The following RABGAP1L variants were observed in gnomAD, a reference collection of about 807,000 sequenced individuals.
The protein encoded by RABGAP1L is rab GTPase-activating protein 1-like.
A neutral mutation model predicts 137.7 loss-of-function variants in RABGAP1L; 63 were observed. The ratio of observed to expected loss-of-function variants is 0.46; its 90% confidence interval spans 0.37 to 0.56. The LOEUF is 0.56. RABGAP1L is among the 20% of genes least tolerant of loss of function. The pLI, the probability that RABGAP1L is intolerant of heterozygous loss-of-function variation, is 0.00. For synonymous variants in RABGAP1L, 431 were observed against 433.7 expected, an observed-to-expected ratio of 0.99 and a Z score of 0.08; for missense variants, 1,095 against 1,244.0, an observed-to-expected ratio of 0.88 and a Z score of 1.80.
At chr1:174,342,697 G>C (rs949835855) in intron 11 of RABGAP1L, among the ~76,000 whole-genome samples, 1 of 150,676 alleles carries the variant, frequency 6.6e-6, no homozygotes, top group South Asian at 2.1e-4. Flanking sequence ...ATGTAAAATG[G>C]ACCATTCCTC....
chr1:174,729,381 A>C (rs1020019858), intron 17 of RABGAP1L, among the ~76,000 whole-genome samples: 1 of 152,226 alleles, frequency 6.6e-6, no homozygotes, highest in African/African-American at 2.4e-5. Context: ...ATCCTAGAAG[A>C]AAATCTAGGA....
At chr1:174,598,346 AAT>A (rs57848729) in intron 13 of RABGAP1L, among the ~76,000 whole-genome samples, 38,524 of 133,360 alleles carry the variant, frequency 0.29, 6,936 homozygotes, top group African/African-American at 0.58. Flanking sequence ...AAAAAAAAAA[AAT>A]GGTCTGTCTT....
intron 19 of RABGAP1L, among the ~76,000 whole-genome samples, chr1:174,883,523 A>T (rs1166942283): frequency 1.3e-5 from 2 of 152,130 alleles, no homozygotes; most frequent in Non-Finnish European, 2.9e-5. Flanking sequence ...TCCTACAGGA[A>T]ACTTGAAGCC....
chr1:174,504,846 G>C (rs1366755111), intron 13 of RABGAP1L, among the ~76,000 whole-genome samples: 1 of 152,100 alleles, frequency 6.6e-6, no homozygotes, highest in African/African-American at 2.4e-5. Context: ...AAAAGCACAA[G>C]CAACAGAAGC....
chr1:174,475,662 C>T (rs12031702), intron 13 of RABGAP1L, among the ~76,000 whole-genome samples: 1 of 149,334 alleles, frequency 6.7e-6, no homozygotes, highest in South Asian at 2.1e-4. Flanking sequence ...AATCCCAGCT[C>T]TGGGAGGCTG....
rs148901840 is a variant in RABGAP1L at position 174,937,619 on chromosome 1, A to AATATATATATATAT, written c.2341-19835_2341-19822dup. 1.5e-3 allele frequency among the ~76,000 whole-genome samples: 162 copies of AATATATATATATAT among 109,650 alleles called. 6 individuals are homozygous for AATATATATATATAT. The highest frequency in any genetic ancestry group is 5.7e-3 in the African/African-American group (114 of 19,922). The allele number at this position is 109,650 out of a possible 152,430, so 71.9% of individuals were successfully genotyped here. On this transcript the variant is annotated intron_variant, in intron 19 of 25. Transcript: ENST00000681986. ...ATTTTTAAATAGCAATACTTCATTAAATATATATATATATATCTTGCAGTT... is the reference window on the plus strand; with the variant it reads ...ATTTTTAAATAGCAATACTTCATTAAATATATATATATATATATATATATATATATCTTGCAGTT...
At chr1:174,863,517 C>CA (rs1296100552) in intron 19 of RABGAP1L, among the ~76,000 whole-genome samples, 2 of 150,508 alleles carry the variant, frequency 1.3e-5, no homozygotes, top group Non-Finnish European at 3.0e-5. Context: ...ACTAAAAAGA[C>CA]AAAAAATTAG....
intron 13 of RABGAP1L, among the ~76,000 whole-genome samples, chr1:174,505,007 A>G (rs1661685231): frequency 6.6e-6 from 1 of 152,230 alleles, no homozygotes; most frequent in African/African-American, 2.4e-5. Flanking sequence ...TAAGGAATCA[A>G]TTCAATTGTA....
intron 7 of RABGAP1L, among the ~76,000 whole-genome samples, chr1:174,265,694 T>G (rs1453505338): frequency 2.0e-5 from 3 of 152,114 alleles, no homozygotes; most frequent in Admixed American, 1.3e-4. Flanking sequence ...TTTTTGAAAT[T>G]TATTCAATGA....
intron 13 of RABGAP1L, among the ~76,000 whole-genome samples, chr1:174,467,978 T>C (rs1037867775): frequency 6.6e-6 from 1 of 152,130 alleles, no homozygotes; most frequent in Non-Finnish European, 1.5e-5. Flanking sequence ...TTTAGAAATA[T>C]TATAAAATCG....
intron 13 of RABGAP1L, among the ~76,000 whole-genome samples, chr1:174,480,231 G>A (rs995462615): frequency 6.6e-6 from 1 of 152,090 alleles, no homozygotes; most frequent in African/African-American, 2.4e-5. Flanking sequence ...TTATATAGAG[G>A]TTATAGTTAT....
chr1:174,245,259 A>T (rs1259192414), intron 5 of RABGAP1L: 1 of 152,200 alleles, frequency 6.6e-6, no homozygotes, highest in African/African-American at 2.4e-5. Flanking sequence ...TTTAGTAGAG[A>T]CAGGGTTGCA....
intron 14 of RABGAP1L, among the ~76,000 whole-genome samples, chr1:174,670,216 A>C (rs888581879): frequency 6.6e-6 from 1 of 152,006 alleles, no homozygotes; most frequent in African/African-American, 2.4e-5. Context: ...TTTATTCCTA[A>C]ATGTTTTTAT....
intron 20 of RABGAP1L, among the ~76,000 whole-genome samples, chr1:174,966,977 A>G (rs986001654): frequency 6.6e-6 from 1 of 152,096 alleles, no homozygotes; most frequent in Non-Finnish European, 1.5e-5. Flanking sequence ...TTACAAATAT[A>G]TATTCATTGT....
intron 13 of RABGAP1L, among the ~76,000 whole-genome samples, chr1:174,620,879 G>C (rs1476626382): frequency 6.6e-6 from 1 of 152,048 alleles, no homozygotes; most frequent in Admixed American, 6.6e-5. Context: ...AAAATTGATA[G>C]ACCACTAGCA....
At chr1:174,161,072 C>G (rs1664395298) in intron 1 of RABGAP1L, among the ~76,000 whole-genome samples, 1 of 152,078 alleles carries the variant, frequency 6.6e-6, no homozygotes, top group Non-Finnish European at 1.5e-5. Flanking sequence ...GAGGGGTTAG[C>G]TCTAGACTTT....
chr1:174,923,860 G>A (rs1310245114), intron 19 of RABGAP1L, among the ~76,000 whole-genome samples: 4 of 142,514 alleles, frequency 2.8e-5, no homozygotes, highest in African/African-American at 7.9e-5. Flanking sequence ...CAGCCTGGGC[G>A]ACTGAGCGAG....
At chr1:174,284,521 T>A (rs1362724414) in intron 10 of RABGAP1L, among the ~76,000 whole-genome samples, 1 of 152,214 alleles carries the variant, frequency 6.6e-6, no homozygotes, top group Non-Finnish European at 1.5e-5. Flanking sequence ...TAGTGAATAA[T>A]GTTGCAATGA....
intron 18 of RABGAP1L, among the ~76,000 whole-genome samples, chr1:174,790,960 G>A (rs1000605009): frequency 1.3e-5 from 2 of 152,090 alleles, no homozygotes. Context: ...GGAGGCTGAG[G>A]TGGGTGGATC....
Sources: gnomAD v4.1 joint callset for allele counts (sites outside exome capture counted in the v4.1 genomes callset) on GRCh38, gnomAD v4.1.1 for gene constraint, MANE v1.5 for transcripts, NCBI Gene and HGNC (gene_info 2026-07-23, HGNC 2026-07-21) for gene names.